Variants in B4GALT3 observed in about 807,000 individuals in gnomAD.
B4GALT3 encodes the protein beta-1,4-galactosyltransferase 3, also known as N-acetyllactosamine synthase.
A neutral mutation model predicts 40.7 loss-of-function variants in B4GALT3; 29 were observed. That is an observed-to-expected ratio of 0.71 (90% confidence interval 0.53 to 0.97). The LOEUF (loss-of-function observed/expected upper bound fraction) is 0.97. B4GALT3 is among the 50% of genes least tolerant of loss of function. The pLI is 0.00. For synonymous variants in B4GALT3, 182 were observed against 203.9 expected, an observed-to-expected ratio of 0.89 and a Z score of 0.92; for missense variants, 390 against 522.3, an observed-to-expected ratio of 0.75 and a Z score of 2.47.
At chr1:161,176,106 G>A (rs1203924274) in intron 2 of B4GALT3, 32 bp from the exon 3 acceptor site, 7 of 1,608,216 alleles carry the variant, frequency 4.4e-6, no homozygotes, top group Admixed American at 3.3e-5. Context: ...CTGGGGGTAG[G>A]CAGGAAGAGA....
Position 161,171,390 on chromosome 1 carries a change from C to T in B4GALT3, c.*426G>A. ...GGACCAGAAGAGGGAGCTATTCCAGCATAGGCAGAAAATGCCCAGGGAGGG... is the reference window on the plus strand; with the variant it reads ...GGACCAGAAGAGGGAGCTATTCCAGTATAGGCAGAAAATGCCCAGGGAGGG... On this transcript the variant is annotated 3_prime_UTR_variant, in exon 8 of 8. Transcript: ENST00000319769. 1.2e-6 allele frequency: 1 copy of T among 819,438 alleles called. No homozygotes were observed. The highest frequency in any genetic ancestry group is 1.9e-6 in the Non-Finnish European group (1 of 531,006). 50.8% of individuals were successfully genotyped at this position (819,438 alleles called of 1,614,324 possible).
Position 161,175,238 on chromosome 1 carries a change from A to C in B4GALT3, c.254-10T>G. On this transcript the variant is annotated splice_polypyrimidine_tract_variant and intron_variant, in intron 3 of 7. Transcript: ENST00000319769. ...ACCGACACAGGACCCACTGTTGGGAAGGAATGGCAAGTAGAGGGATCAGAG... is the reference window on the plus strand; with the variant it reads ...ACCGACACAGGACCCACTGTTGGGACGGAATGGCAAGTAGAGGGATCAGAG... 1 of 1,609,102 alleles carries C rather than the reference A, an allele frequency of 6.2e-7. No individual in the cohort carries two copies. The highest frequency in any genetic ancestry group is 1.1e-5 in the South Asian group (1 of 90,792).
Position 161,171,449 on chromosome 1 carries a change from A to C in B4GALT3, c.*367T>G. 1 of 602,180 alleles carries C rather than the reference A, an allele frequency of 1.7e-6. No homozygotes were observed. The highest frequency in any genetic ancestry group is 2.9e-6 in the Non-Finnish European group (1 of 346,128). The allele number at this position is 602,180 out of a possible 1,614,324, so 37.3% of individuals were successfully genotyped here. A position where few individuals can be genotyped will look rare whatever the true frequency, so the allele number is the denominator to read the frequency against. ...CACCAAACAACTTCCCGGGAACCATAAATAGAATAAATATTCACAGAGGTC... is the reference window on the plus strand; with the variant it reads ...CACCAAACAACTTCCCGGGAACCATCAATAGAATAAATATTCACAGAGGTC... On this transcript the variant is annotated 3_prime_UTR_variant, in exon 8 of 8. Coordinates refer to ENST00000319769, the MANE Select transcript of B4GALT3 (RefSeq NM_003779.4).
In B4GALT3 at chr1:161,176,539, A is replaced by G. The variant is rs1482922718; in HGVS notation, c.-120T>C. 1 of 440,446 alleles carries G rather than the reference A, an allele frequency of 2.3e-6. No individual in the cohort carries two copies. The highest frequency in any genetic ancestry group is 2.0e-5 in the African/African-American group (1 of 50,594). The allele number at this position is 440,446 out of a possible 1,614,324, so 27.3% of individuals were successfully genotyped here. ...ATTGGAAATGTCACAGAGGGCAGAG[A>G]AAGGCTCCATCCAGCACTCCAGCAG... On this transcript the variant is annotated 5_prime_UTR_variant, in exon 2 of 8. Coordinates refer to ENST00000319769, the MANE Select transcript of B4GALT3 (RefSeq NM_003779.4).
chr1:161,175,340 C>T, intron 3 of B4GALT3, 112 bp from the exon 4 acceptor site: 1 of 924,272 alleles, frequency 1.1e-6, no homozygotes, highest in Admixed American at 2.7e-5. Flanking sequence ...GCTTAGTTCT[C>T]AGGGCTCACT....
Position 161,172,289 on chromosome 1 carries a change from A to G in B4GALT3, c.846T>C (p.Ser282=). The G allele has an allele frequency of 6.2e-7, 1 of 1,614,116 alleles. No individual in the cohort carries two copies. The highest frequency in any genetic ancestry group is 8.5e-7 in the Non-Finnish European group (1 of 1,180,020). ...GCTTCACCATCTTATAGTGTCCTACAGATGTGGGGGGCCGAGAGATCTTCA... is the reference window on the plus strand; with the variant it reads ...GCTTCACCATCTTATAGTGTCCTACGGATGTGGGGGGCCGAGAGATCTTCA... The part of the protein sequence containing the change: ...AGMKISRPPT[S]VGHYKMVKHR... The change falls in exon 7 of 8, where the codon TCT becomes TCC. Residue 282 remains serine, a synonymous_variant. Coordinates refer to ENST00000319769, the MANE Select transcript of B4GALT3 (RefSeq NM_003779.4).
intron 6 of B4GALT3, among the ~76,000 whole-genome samples, 187 bp downstream of exon 6, chr1:161,173,418 G>A (rs559033373): frequency 2.0e-5 from 3 of 152,276 alleles, no homozygotes; most frequent in East Asian, 1.9e-4. Context: ...GGAGACTGAA[G>A]GATGACACAA....
At chr1:161,176,679 T>G in intron 1 of B4GALT3, 100 bp from the exon 2 acceptor site, 1 of 604,460 alleles carries the variant, frequency 1.7e-6, no homozygotes, top group Non-Finnish European at 2.9e-6. Context: ...AGGAAAGTGG[T>G]TGGAAAGGAA....
In B4GALT3 at chr1:161,173,882, A is replaced by G; in HGVS notation, c.657T>C (p.Val219=). ...CDPRGPRHVA[V]AMNKFGYSLP... is the part of the protein sequence containing the mutation. ...ACCTGTATCCAAACTTGTTCATAGC[A>G]ACGGCAACATGGCGGGGTCCCCGGG... Residue 219 remains valine, a synonymous_variant, in exon 5 of 8, where the codon GTT becomes GTC. Coordinates refer to ENST00000319769, the MANE Select transcript of B4GALT3 (RefSeq NM_003779.4). The G allele has an allele frequency of 6.2e-7, 1 of 1,614,042 alleles. No homozygotes were observed. The highest frequency in any genetic ancestry group is 8.5e-7 in the Non-Finnish European group (1 of 1,179,950).
chr1:161,175,121 G>C lies in B4GALT3; in HGVS notation c.361C>G (p.Pro121Ala). ...GGRYRPAGCE[P>A]RSRTAIIVPH... ...ACAATGATGGCTGTTCGGGAGCGGGGCTCACAACCTGCAGGGCGGTACCGG... is the reference window on the plus strand; with the variant it reads ...ACAATGATGGCTGTTCGGGAGCGGGCCTCACAACCTGCAGGGCGGTACCGG... Residue 121 changes from proline to alanine, a missense_variant, in exon 4 of 8, where the codon CCC becomes GCC. Transcript: ENST00000319769. 1 of 1,613,980 alleles carries C rather than the reference G, an allele frequency of 6.2e-7. No homozygotes were observed. The highest frequency in any genetic ancestry group is 8.5e-7 in the Non-Finnish European group (1 of 1,179,850).
At chr1:161,174,809 G>A in intron 4 of B4GALT3, 184 bp downstream of exon 4, 1 of 632,620 alleles carries the variant, frequency 1.6e-6, no homozygotes, top group African/African-American at 1.8e-5. Flanking sequence ...AATAACCTAA[G>A]CAGATTAAGG....
intron 7 of B4GALT3, 40 bp from the exon 8 acceptor site, chr1:161,172,129 C>G (rs146691911): frequency 6.2e-7 from 1 of 1,612,684 alleles, no homozygotes; most frequent in Admixed American, 1.7e-5. Flanking sequence ...CAGAAAGGAA[C>G]AGCCAGAAAT....
intron 4 of B4GALT3, among the ~76,000 whole-genome samples, chr1:161,174,502 T>C (rs1662753821): frequency 6.6e-6 from 1 of 152,194 alleles, no homozygotes; most frequent in Non-Finnish European, 1.5e-5. Context: ...ATCTTTTTCA[T>C]TTTTCCACTT....
Position 161,171,510 on chromosome 1 carries a change from G to C in B4GALT3, c.*306C>G. The C allele has an allele frequency of 3.5e-6, 2 of 578,446 alleles. No homozygotes were observed. Among genetic ancestry groups the C allele is most frequent in the Non-Finnish European group, 3.0e-6 (1 of 327,946 alleles). 35.8% of individuals were successfully genotyped at this position (578,446 alleles called of 1,614,324 possible). A position where few individuals can be genotyped will look rare whatever the true frequency, so the allele number is the denominator to read the frequency against. On this transcript the variant is annotated 3_prime_UTR_variant, in exon 8 of 8. Transcript: ENST00000319769. ...CCAGATCACTCTTCTCTCCATGGAA[G>C]AGGGAGGGGCTTGGGGTCCAGCCCT... is the stretch of plus-strand genomic sequence containing the variant.
rs1661755671 is a variant in B4GALT3, at chr1:161,172,327, G to A, written c.808C>T (p.Arg270Cys). Residue 270 changes from arginine (R) to cysteine (C), a missense_variant, in exon 7 of 8, where the codon CGC (arginine) becomes TGC (cysteine). Physicochemically the swap from Arg to Cys is radical, Grantham distance 180 (BLOSUM62 -3). This residue lies in a region of B4GALT3 where 135 missense variants were observed against 227.8 expected (regional missense o/e 0.59). Transcript: ENST00000319769. ...CGAGAGATCTTCATCCCAGCCAGGC[G>A]CACCCTATGGGAAAAGTGAGGGTAT... is the stretch of plus-strand genomic sequence containing the variant. ...GEDDDIATRV[R>C]LAGMKISRPP... 2 of 1,613,416 alleles carry A rather than the reference G, an allele frequency of 1.2e-6. No individual in the cohort carries two copies. Among genetic ancestry groups the A allele is most frequent in the Non-Finnish European group, 8.5e-7 (1 of 1,179,758 alleles).
chr1:161,175,670 A>C (rs1571520110), intron 3 of B4GALT3, 138 bp downstream of exon 3: 1 of 1,315,626 alleles, frequency 7.6e-7, no homozygotes, highest in Non-Finnish European at 1.1e-6. Flanking sequence ...CTCTATCTCA[A>C]CCTCAGCCTA....
At chr1:161,176,881 T>C (rs1663753270) in intron 1 of B4GALT3, 7 of 1,536,108 alleles carry the variant, frequency 4.6e-6, no homozygotes, top group Admixed American at 2.0e-5. Flanking sequence ...GACAGAGTCA[T>C]GACAGGACCG....
chr1:161,172,199 T>C (rs1661698774), intron 7 of B4GALT3, 28 bp downstream of exon 7: 1 of 1,612,572 alleles, frequency 6.2e-7, no homozygotes, highest in South Asian at 1.1e-5. Flanking sequence ...CCAGTAACAA[T>C]TCCCAGGCAG....
Position 161,171,969 on chromosome 1 carries a change from C to A in B4GALT3, c.1029G>T (p.Gly343=). ...PLYTNITADI[G]TDPRGPRAPS... ...GAGCCCGAGGACCCCGAGGGTCAGT[C>A]CCAATGTCTGCTGTGATGTTGGTAT... Residue 343 remains glycine, a synonymous_variant, in exon 8 of 8, where the codon GGG becomes GGT. Transcript: ENST00000319769. The A allele has an allele frequency of 6.2e-7, 1 of 1,614,128 alleles. No homozygotes were observed. Among genetic ancestry groups the A allele is most frequent in the Non-Finnish European group, 8.5e-7 (1 of 1,180,030 alleles).
Sources: allele counts gnomAD v4.1 joint callset (sites outside exome capture counted in the v4.1 genomes callset), GRCh38; gene constraint gnomAD v4.1.1; regional missense constraint gnomAD v4.1.1; transcripts MANE v1.5; gene names NCBI Gene and HGNC (gene_info 2026-07-23, HGNC 2026-07-21).